Variants in MAP3K12 observed in about 807,000 individuals in gnomAD.
MAP3K12 encodes the protein mitogen-activated protein kinase kinase kinase 12, also known as MAPK-upstream kinase.
In MAP3K12, 14 loss-of-function variants were observed where a neutral mutation model predicts 87.5. The observed-to-expected ratio is 0.16, with a 90% confidence interval of 0.11 to 0.25. MAP3K12 has a LOEUF of 0.25. Ranked by LOEUF, MAP3K12 falls within the 10% of genes least tolerant of loss-of-function variation. MAP3K12 has a pLI of 1.00. For missense variants in MAP3K12, 802 were observed against 1,140.4 expected, an observed-to-expected ratio of 0.70 and a Z score of 4.27; for synonymous variants, 469 against 452.5, an observed-to-expected ratio of 1.04 and a Z score of -0.46.
chr12:53,484,118 A>G, intron 7 of MAP3K12, 98 bp from the exon 8 acceptor site: 2 of 1,408,786 alleles, frequency 1.4e-6, no homozygotes, highest in Non-Finnish European at 2.0e-6. Flanking sequence ...GTGCTGGAGC[A>G]AAAAGGAGTG....
chr12:53,485,276 G>A, intron 5 of MAP3K12, 41 bp downstream of exon 5: 4 of 1,605,380 alleles, frequency 2.5e-6, no homozygotes, highest in Non-Finnish European at 3.4e-6. Flanking sequence ...TCCCCCCAGG[G>A]CTGGCCACCC....
chr12:53,488,972 C>T (rs368048233), intron 1 of MAP3K12, among the ~76,000 whole-genome samples: 5 of 145,554 alleles, frequency 3.4e-5, no homozygotes, highest in African/African-American at 1.0e-4. Flanking sequence ...CCCAGCTACT[C>T]GGGAGGCTGA....
chr12:53,486,432 A>G lies in MAP3K12; in HGVS notation c.629+7T>C. ...CCCCAACACCCAGCCCCTGCCCTGG[A>G]CCTCACTTGAAAGTGATGATGTTGG... On this transcript the variant is annotated splice_region_variant and intron_variant, in intron 3 of 13. Coordinates refer to ENST00000547488, the MANE Select transcript of MAP3K12 (RefSeq NM_001193511.2). This position sits in a 1 kb window ranked among gnomAD's most constrained non-coding sequence, Gnocchi z 4.9. The G allele has an allele frequency of 1.2e-6, 2 of 1,613,868 alleles. No individual in the cohort carries two copies. Among genetic ancestry groups the G allele is most frequent in the Non-Finnish European group, 1.7e-6 (2 of 1,179,834 alleles).
At position 53,485,105 on chromosome 12, in the gene MAP3K12, C is replaced by A. The variant is rs1208561631; in HGVS notation, c.1090G>T (p.Val364Leu). The change falls in exon 6 of 14, where the codon GTG becomes TTG. Residue 364 changes from valine (V) to leucine (L), a missense_variant. Val to Leu is a conservative substitution (Grantham distance 32). This residue lies in a region of MAP3K12 where 99 missense variants were observed against 193.4 expected (regional missense o/e 0.51). Transcript: ENST00000547488. ...AAACCATCTGGGCAACTGGAGGGCA[C>A]GGGCAGATGGAGACTGTTGCTTCCC... ...GVGSNSLHLP[V>L]PSSCPDGFKI... 6.2e-7 allele frequency: 1 copy of A among 1,614,164 alleles called. No homozygotes were observed. The highest frequency in any genetic ancestry group is 8.5e-7 in the Non-Finnish European group (1 of 1,180,036).
chr12:53,481,679 G>C, intron 13 of MAP3K12: 1 of 439,762 alleles, frequency 2.3e-6, no homozygotes, highest in East Asian at 4.0e-5. Flanking sequence ...CCAGATTTCA[G>C]TTGCTCAGGC....
At position 53,483,079 on chromosome 12, in the gene MAP3K12, C is replaced by T. The variant is rs766432155; in HGVS notation, c.1724G>A (p.Arg575His). The part of the protein sequence containing the change: ...KGPPSPGRSR[R>H]GKTRHRKASA... ...GGCCTTGCGGTGACGGGTCTTGCCACGGCGACTCCGTCCTGGTGAGGGGGG... is the reference window on the plus strand; with the variant it reads ...GGCCTTGCGGTGACGGGTCTTGCCATGGCGACTCCGTCCTGGTGAGGGGGG... The change falls in exon 11 of 14, where the codon CGT becomes CAT. Residue 575 changes from arginine to histidine, a missense_variant. By Grantham distance (29) the Arg-to-His change is conservative. Transcript: ENST00000547488. The T allele has an allele frequency of 1.6e-5, 25 of 1,536,746 alleles. No homozygotes were observed. The highest frequency in any genetic ancestry group is 2.5e-5 in the South Asian group (2 of 79,178).
intron 13 of MAP3K12, 171 bp downstream of exon 13, chr12:53,481,770 T>G: frequency 1.4e-6 from 1 of 734,536 alleles, no homozygotes; most frequent in Non-Finnish European, 2.2e-6. Context: ...TGGTCAGGCA[T>G]CGTAATAGAT....
chr12:53,486,359 T>TGGGGTAGGTCCCACTGCCCAGG lies in MAP3K12; in HGVS notation c.629+58_629+79dup. 6.4e-7 allele frequency: 1 copy of TGGGGTAGGTCCCACTGCCCAGG among 1,570,454 alleles called. No individual in the cohort carries two copies. The highest frequency in any genetic ancestry group is 8.7e-7 in the Non-Finnish European group (1 of 1,154,456). On this transcript the variant is annotated intron_variant, in intron 3 of 13. Coordinates refer to ENST00000547488, the MANE Select transcript of MAP3K12 (RefSeq NM_001193511.2). This position sits in a 1 kb window ranked among gnomAD's most constrained non-coding sequence, Gnocchi z 4.9. The stretch of plus-strand genomic sequence containing the variant: ...CCTATGGATCTCCTCTGGGGAAGGA[T>TGGGGTAGGTCCCACTGCCCAGG]GGGGTAGGTCCCACTGCCCAGGAGG...
In MAP3K12 at chr12:53,482,320, A is replaced by C. The variant is rs759415295; in HGVS notation, c.2288T>G (p.Val763Gly). 1 of 1,613,842 alleles carries C rather than the reference A, an allele frequency of 6.2e-7. No individual in the cohort carries two copies. The highest frequency in any genetic ancestry group is 8.5e-7 in the Non-Finnish European group (1 of 1,179,962). ...TTACCTCTGGCTTGATGTCAGCTCT[A>C]CTTCACTGTCTACCTCTCCTTCCTC... ...EEEEGEVDSE[V>G]ELTSSQRWPQ... Residue 763 changes from valine (V) to glycine (G), a missense_variant, in exon 12 of 14, where the codon GTA (valine) becomes GGA (glycine). Physicochemically the swap from Val to Gly is moderately radical, Grantham distance 109 (BLOSUM62 -3). This residue lies in a region of MAP3K12 where 490 missense variants were observed against 496.6 expected (regional missense o/e 0.99). Transcript: ENST00000547488.
At position 53,486,336 on chromosome 12, in the gene MAP3K12, T is replaced by TATGG; in HGVS notation, c.630-93_630-90dup. ...AACCCCCATTCCCACCCATTCCACC[T>TATGG]ATGGATCTCCTCTGGGGAAGGATGG... On this transcript the variant is annotated intron_variant, in intron 3 of 13. Transcript: ENST00000547488. This position sits in a 1 kb window ranked among gnomAD's most constrained non-coding sequence, Gnocchi z 4.9. The TATGG allele has an allele frequency of 7.1e-6, 11 of 1,556,888 alleles. No individual in the cohort carries two copies. Among genetic ancestry groups the TATGG allele is most frequent in the Non-Finnish European group, 7.8e-6 (9 of 1,146,800 alleles).
rs1437868472 is a variant in MAP3K12, at chr12:53,479,835, T to C, written c.*1347A>G. 6.2e-6 allele frequency: 1 copy of C among 160,280 alleles called. No homozygotes were observed. Among genetic ancestry groups the C allele is most frequent in the Non-Finnish European group, 1.4e-5 (1 of 73,592 alleles). 9.9% of individuals were successfully genotyped at this position (160,280 alleles called of 1,614,324 possible). ...AATAGAAACTGGATGCCACAGTGAT[T>C]CATGTGGGTTTTATTCCTCTTGTCT... On this transcript the variant is annotated 3_prime_UTR_variant, in exon 14 of 14. Coordinates refer to ENST00000547488, the MANE Select transcript of MAP3K12 (RefSeq NM_001193511.2).
At position 53,485,469 on chromosome 12, in the gene MAP3K12, T is replaced by C. The variant is rs776687041; in HGVS notation, c.828A>G (p.Leu276=). The C allele has an allele frequency of 2.5e-6, 4 of 1,613,792 alleles. No individual in the cohort carries two copies. Among genetic ancestry groups the C allele is most frequent in the Admixed American group, 3.3e-5 (2 of 60,016 alleles). ...TCTTCACCACATCGTCGTAGGTGAT[T>C]AGCATGCTGGTAAAGAGTGTAGTCA... ...IHRDLKSPNM[L]ITYDDVVKIS... Residue 276 remains leucine, a synonymous_variant, in exon 5 of 14, where the codon CTA becomes CTG. Transcript: ENST00000547488.
rs1179574776 is a variant in MAP3K12, at chr12:53,486,284, C to G, written c.630-37G>C. ...ACAATGGTATGAAGGCCTCAGCTGG[C>G]TCAGCATTCACCTGATTCATACCTG... is the stretch of plus-strand genomic sequence containing the variant. On this transcript the variant is annotated intron_variant, in intron 3 of 13. Transcript: ENST00000547488. This position sits in a 1 kb window ranked among gnomAD's most constrained non-coding sequence, Gnocchi z 4.9. The G allele has an allele frequency of 1.3e-6, 2 of 1,568,876 alleles. No individual in the cohort carries two copies. The highest frequency in any genetic ancestry group is 8.7e-7 in the Non-Finnish European group (1 of 1,155,324).
At chr12:53,485,892 G>A in intron 4 of MAP3K12, 164 bp downstream of exon 4, 1 of 646,588 alleles carries the variant, frequency 1.5e-6, no homozygotes, top group South Asian at 2.0e-5. Flanking sequence ...ACACTCAAAG[G>A]TGAGGGGCTC....
chr12:53,495,232 G>A (rs570174920), intron 1 of MAP3K12, among the ~76,000 whole-genome samples: 1 of 150,182 alleles, frequency 6.7e-6, no homozygotes, highest in Non-Finnish European at 1.5e-5. Flanking sequence ...CCAGCTACTC[G>A]GGAGGCTGAG....
intron 1 of MAP3K12, among the ~76,000 whole-genome samples, chr12:53,495,938 T>G (rs1347643472): frequency 6.6e-6 from 1 of 151,978 alleles, no homozygotes; most frequent in Non-Finnish European, 1.5e-5. Flanking sequence ...GACAGTACTA[T>G]TTAGGAAAAA....
rs1592704018 is a variant in MAP3K12, at chr12:53,481,109, A to ATATATATATATATATG, written c.*57_*72dup. 3.1e-6 allele frequency: 1 copy of ATATATATATATATATG among 324,284 alleles called. No homozygotes were observed. Among genetic ancestry groups the ATATATATATATATATG allele is most frequent in the East Asian group, 1.2e-4 (1 of 8,318 alleles). The allele number at this position is 324,284 out of a possible 1,614,324, so 20.1% of individuals were successfully genotyped here. A position where few individuals can be genotyped will look rare whatever the true frequency, so the allele number is the denominator to read the frequency against. ...CATCTTTCTGTTGATTATGTGGCGCATATATATATATATATGTATATATAT... is the reference window on the plus strand; with the variant it reads ...CATCTTTCTGTTGATTATGTGGCGCATATATATATATATATGTATATATATATATATGTATATATAT... On this transcript the variant is annotated 3_prime_UTR_variant, in exon 14 of 14. Transcript: ENST00000547488.
At chr12:53,481,878 G>A (rs1337372355) in intron 13 of MAP3K12, 63 bp downstream of exon 13, 4 of 1,563,982 alleles carry the variant, frequency 2.6e-6, no homozygotes, top group Non-Finnish European at 3.5e-6. Context: ...GCTGTTAAAA[G>A]ACAAGGCATC....
chr12:53,486,667 ACT>A lies in MAP3K12; in HGVS notation c.446-47_446-46del. ...TGCCACAAGCCTCAGAAAGAGCCAC[ACT>A]CAAGGCCAGGGACAGGATAGCATTG... On this transcript the variant is annotated intron_variant, in intron 2 of 13. Coordinates refer to ENST00000547488, the MANE Select transcript of MAP3K12 (RefSeq NM_001193511.2). This position sits in a 1 kb window ranked among gnomAD's most constrained non-coding sequence, Gnocchi z 4.9. 6.6e-7 allele frequency: 1 copy of A among 1,522,294 alleles called. No individual in the cohort carries two copies. The highest frequency in any genetic ancestry group is 2.4e-5 in the East Asian group (1 of 41,284). 94.3% of individuals were successfully genotyped at this position (1,522,294 alleles called of 1,614,324 possible).
Sources: gnomAD v4.1 joint callset for allele counts (sites outside exome capture counted in the v4.1 genomes callset) on GRCh38, gnomAD v4.1.1 for gene constraint, gnomAD v4.1.1 regional missense constraint, Gnocchi (gnomAD v3.1) non-coding constraint, MANE v1.5 for transcripts, NCBI Gene and HGNC (gene_info 2026-07-23, HGNC 2026-07-21) for gene names.